OPCML: variants seen among roughly 807,000 people sequenced by gnomAD.
The protein encoded by OPCML is opioid-binding protein/cell adhesion molecule.
A neutral mutation model predicts 37.8 loss-of-function variants in OPCML; 13 were observed. The observed-to-expected ratio is 0.34, with a 90% confidence interval of 0.22 to 0.55. The LOEUF (loss-of-function observed/expected upper bound fraction) is 0.55, where lower values mean the gene tolerates loss of function less well. OPCML is among the 20% of genes least tolerant of loss of function. OPCML has a pLI of 0.91. For missense variants in OPCML, 341 were observed against 435.6 expected (o/e 0.78, Z 1.93); for synonymous variants, 176 against 168.8 (o/e 1.04, Z -0.33).
intron 4 of OPCML, among the ~76,000 whole-genome samples, chr11:132,508,113 A>G (rs1940410): frequency 0.2 from 30,399 of 152,122 alleles, 3,116 homozygotes; most frequent in Non-Finnish European, 0.22. Context: ...AAAATGGCAA[A>G]GTAACCGTTA....
In OPCML at chr11:132,657,170, T is replaced by A; in HGVS notation, c.296A>T (p.Asp99Val). 1 of 1,614,228 alleles carries A rather than the reference T, an allele frequency of 6.2e-7. No homozygotes were observed. The highest frequency in any genetic ancestry group is 8.5e-7 in the Non-Finnish European group (1 of 1,180,034). ...TQYSIMIQNV[D>V]VYDEGPYTCS... The stretch of plus-strand genomic sequence containing the variant: ...GGTGTACGGACCTTCGTCATACACA[T>A]CCACATTTTGGATCATGATGCTGTA... Residue 99 changes from aspartate to valine, a missense_variant, in exon 3 of 8, where the codon GAT becomes GTT. By Grantham distance (152) the Asp-to-Val change is radical (BLOSUM62 -3). Coordinates refer to ENST00000524381, the MANE Select transcript of OPCML (RefSeq NM_001012393.5).
At chr11:132,985,026 T>C (rs1375703260) in intron 1 of OPCML, among the ~76,000 whole-genome samples, 1 of 152,160 alleles carries the variant, frequency 6.6e-6, no homozygotes, top group Non-Finnish European at 1.5e-5. Flanking sequence ...TACTCTCATC[T>C]ACCCAGCATG....
At chr11:133,080,323 A>G (rs1948691397) in intron 1 of OPCML, among the ~76,000 whole-genome samples, 2 of 151,988 alleles carry the variant, frequency 1.3e-5, no homozygotes, top group Non-Finnish European at 2.9e-5. Flanking sequence ...GGAACTTTTG[A>G]TTTTCAACAA....
At chr11:132,580,765 C>A (rs2096460523) in intron 3 of OPCML, among the ~76,000 whole-genome samples, 1 of 152,166 alleles carries the variant, frequency 6.6e-6, no homozygotes, top group African/African-American at 2.4e-5. Flanking sequence ...TTACTCACTT[C>A]TCAGTGGCTT....
intron 2 of OPCML, among the ~76,000 whole-genome samples, chr11:132,792,827 G>A (rs1031399079): frequency 6.6e-6 from 1 of 152,188 alleles, no homozygotes; most frequent in African/African-American, 2.4e-5. Context: ...TCCAGTCCAT[G>A]GAGTTTTCAT....
At chr11:133,354,269 T>C in intron 1 of OPCML, among the ~76,000 whole-genome samples, 1 of 22,786 alleles carries the variant, frequency 4.4e-5, no homozygotes, top group African/African-American at 1.6e-4. Context: ...GTGGTGGTAG[T>C]GGTGGTGATA....
rs546952841 is a variant in OPCML, at chr11:132,555,901, C to G, written c.380-26715G>C. On this transcript the variant is annotated intron_variant, in intron 3 of 7. Transcript: ENST00000524381. ...TTTACAAAGAGAGTATAAAGAACTT[C>G]AAAGGATTATATCAAAACGTTTCTT... 2.0e-5 allele frequency among the ~76,000 whole-genome samples: 3 copies of G among 152,154 alleles called. No homozygotes were observed. The East Asian group carries it at 5.8e-4, about 29-fold the overall frequency.
intron 2 of OPCML, among the ~76,000 whole-genome samples, chr11:132,684,175 A>T (rs556255471): frequency 6.6e-6 from 1 of 152,352 alleles, no homozygotes; most frequent in South Asian, 2.1e-4. Context: ...TAATTAATTT[A>T]TAATGCTTAA....
chr11:133,292,717 A>T (rs1361282386), intron 1 of OPCML, among the ~76,000 whole-genome samples: 1 of 152,188 alleles, frequency 6.6e-6, no homozygotes, highest in South Asian at 2.1e-4. Context: ...ACCTTATTGC[A>T]TTCTGCTAGA....
intron 2 of OPCML, among the ~76,000 whole-genome samples, chr11:132,797,004 T>TA (rs1938364013): frequency 6.6e-6 from 1 of 152,224 alleles, no homozygotes. Context: ...ACACTCTAGA[T>TA]AAAAATCTCT....
At chr11:133,150,427 A>G (rs549838260) in intron 1 of OPCML, among the ~76,000 whole-genome samples, 1 of 152,310 alleles carries the variant, frequency 6.6e-6, no homozygotes, top group South Asian at 2.1e-4. Context: ...CTGGGGTTTC[A>G]ACCCAGGACT....
chr11:133,082,464 CCCCA>C (rs1948742476), intron 1 of OPCML, among the ~76,000 whole-genome samples: 1 of 91,342 alleles, frequency 1.1e-5, no homozygotes, highest in African/African-American at 4.5e-5. Context: ...TCCCCATCCT[CCCCA>C]TCCTCCCCTC....
intron 2 of OPCML, among the ~76,000 whole-genome samples, chr11:132,761,271 G>T (rs550206812): frequency 6.8e-6 from 1 of 148,052 alleles, no homozygotes; most frequent in Admixed American, 6.8e-5. Flanking sequence ...GGTAAATCTG[G>T]TGATTATGTG....
chr11:133,273,454 A>G (rs919678915), intron 1 of OPCML, among the ~76,000 whole-genome samples: 4 of 152,178 alleles, frequency 2.6e-5, no homozygotes, highest in Non-Finnish European at 5.9e-5. Flanking sequence ...ACAGCCCTCA[A>G]CAAGTTCCCA....
chr11:132,725,850 C>A (rs961268040), intron 2 of OPCML, among the ~76,000 whole-genome samples: 13 of 151,950 alleles, frequency 8.6e-5, no homozygotes, highest in African/African-American at 2.9e-4. Context: ...GTTCAAAGTT[C>A]CACAAATCTC....
chr11:133,259,200 G>C (rs557322105), intron 1 of OPCML, among the ~76,000 whole-genome samples: 3 of 152,292 alleles, frequency 2.0e-5, no homozygotes, highest in African/African-American at 4.8e-5. Context: ...AAAAGGAAGA[G>C]TGTTGTTTTG....
At chr11:132,774,160 G>T (rs1322877445) in intron 2 of OPCML, among the ~76,000 whole-genome samples, 2 of 152,078 alleles carry the variant, frequency 1.3e-5, no homozygotes, top group East Asian at 3.9e-4. Context: ...CTTCATTGGG[G>T]TCCATTTTAA....
At chr11:133,142,916 C>T (rs1303037630) in intron 1 of OPCML, among the ~76,000 whole-genome samples, 4 of 152,090 alleles carry the variant, frequency 2.6e-5, no homozygotes, top group Non-Finnish European at 5.9e-5. Context: ...TATTCCTGTG[C>T]CATGCATCTT....
chr11:133,512,641 G>A (rs2120634250), intron 1 of OPCML, among the ~76,000 whole-genome samples: 1 of 152,282 alleles, frequency 6.6e-6, no homozygotes, highest in East Asian at 1.9e-4. Context: ...CTGGCAACAA[G>A]ATCACATCAT....
Sources: allele counts gnomAD v4.1 joint callset (sites outside exome capture counted in the v4.1 genomes callset), GRCh38; gene constraint gnomAD v4.1.1; transcripts MANE v1.5; gene names NCBI Gene and HGNC (gene_info 2026-07-23, HGNC 2026-07-21).